The following TSHR variants were observed in gnomAD, a reference collection of about 807,000 sequenced individuals.
TSHR encodes thyroid stimulating hormone receptor.
Under a neutral mutation model 64.1 loss-of-function variants are expected in TSHR, and 51 were observed. That is an observed-to-expected ratio of 0.80 (90% CI 0.64 to 1.01). TSHR has a LOEUF of 1.01. Among genes scored for constraint, TSHR ranks in the 50% least tolerant of loss-of-function variants. The pLI is 0.00. For synonymous variants in TSHR, 361 were observed against 361.9 expected (o/e 1.00, Z 0.03); for missense variants, 877 against 942.8 (o/e 0.93, Z 0.91).
chr14:80,998,019 G>C lies in TSHR; in HGVS notation c.170+42169G>C, dbSNP rs994885699. On this transcript the variant is annotated intron_variant, in intron 1 of 9. Coordinates refer to ENST00000298171, the MANE Select transcript of TSHR (RefSeq NM_000369.5). ...GGAAGCATTCTCATTGTACAACAGT[G>C]AGAGCTGGAATGCCATTACATCATT... Among the ~76,000 whole-genome samples, 15 of 152,320 alleles carry C rather than the reference G, an allele frequency of 9.8e-5. 2 individuals carry two copies. Among genetic ancestry groups the C allele is most frequent in the Admixed American group, 7.2e-4 (11 of 15,294 alleles).
At position 81,054,989 on chromosome 14, in the gene TSHR, T is replaced by A. The variant is rs115104769; in HGVS notation, c.171-7159T>A. ...CAATGGGAAAAATGTCTCCAGGGCATGTCAGACAACTTTGTGGCAGCCCCT... is the reference window on the plus strand; with the variant it reads ...CAATGGGAAAAATGTCTCCAGGGCAAGTCAGACAACTTTGTGGCAGCCCCT... On this transcript the variant is annotated intron_variant, in intron 1 of 9. Coordinates refer to ENST00000298171, the MANE Select transcript of TSHR (RefSeq NM_000369.5). 6.8e-3 allele frequency among the ~76,000 whole-genome samples: 1,033 copies of A among 152,246 alleles called. 7 individuals carry two copies. Among genetic ancestry groups the A allele is most frequent in the African/African-American group, 0.023 (963 of 41,548 alleles).
chr14:81,112,787 A>C lies in TSHR; in HGVS notation c.692+4335A>C, dbSNP rs536476324. Among the ~76,000 whole-genome samples the C allele has an allele frequency of 3.3e-5, 5 of 152,350 alleles. No homozygotes were observed. In the South Asian group the frequency reaches 8.3e-4, roughly 25 times the overall value. On this transcript the variant is annotated intron_variant, in intron 8 of 9. Coordinates refer to ENST00000298171, the MANE Select transcript of TSHR (RefSeq NM_000369.5). ...GAAACAAAGGGACAAGCCTGGGGAC[A>C]ATCTGAAGAAAGAGCATTTTAGACA...
intron 1 of TSHR, among the ~76,000 whole-genome samples, chr14:80,977,087 C>T (rs1192399766): frequency 6.6e-6 from 1 of 152,178 alleles, no homozygotes; most frequent in African/African-American, 2.4e-5. Flanking sequence ...ACCAGAGGAT[C>T]CCATGGTCAC....
chr14:81,062,247 T>C (rs754075252), intron 2 of TSHR, 28 bp downstream of exon 2: 1 of 1,561,198 alleles, frequency 6.4e-7, no homozygotes, highest in Non-Finnish European at 8.8e-7. Flanking sequence ...AAAGAAAAGT[T>C]TGCATTTGTG....
intron 2 of TSHR, among the ~76,000 whole-genome samples, chr14:81,066,079 C>T (rs547865130): frequency 2.4e-4 from 37 of 152,234 alleles, no homozygotes; most frequent in Non-Finnish European, 3.1e-4. Flanking sequence ...CCTGAATAAA[C>T]GATTCCTGCC....
chr14:81,078,245 C>T (rs1887640374), intron 3 of TSHR, among the ~76,000 whole-genome samples: 1 of 152,112 alleles, frequency 6.6e-6, no homozygotes, highest in Non-Finnish European at 1.5e-5. Context: ...GTTTTATTTA[C>T]TGAAAATATA....
intron 1 of TSHR, among the ~76,000 whole-genome samples, chr14:81,005,811 A>G (rs1295648178): frequency 6.6e-6 from 1 of 152,220 alleles, no homozygotes; most frequent in Non-Finnish European, 1.5e-5. Flanking sequence ...AAAAGTTCTA[A>G]ATAATTTGAC....
chr14:81,064,111 C>A (rs1470618838), intron 2 of TSHR, among the ~76,000 whole-genome samples: 3 of 151,948 alleles, frequency 2.0e-5, no homozygotes, highest in African/African-American at 7.3e-5. Flanking sequence ...GAGAAATGGT[C>A]AGATTTTCAT....
chr14:81,099,788 C>T (rs1368878826), intron 7 of TSHR, among the ~76,000 whole-genome samples: 1 of 152,132 alleles, frequency 6.6e-6, no homozygotes, highest in Non-Finnish European at 1.5e-5. Context: ...GACTATTTTC[C>T]CTCAAAACAT....
intron 8 of TSHR, among the ~76,000 whole-genome samples, chr14:81,138,431 C>T (rs376641276): frequency 3.8e-4 from 58 of 152,144 alleles, no homozygotes; most frequent in African/African-American, 1.3e-3. Flanking sequence ...CCTCGTGATC[C>T]GCCCGCCTCA....
At chr14:81,061,990 T>G (rs1005103834) in intron 1 of TSHR, among the ~76,000 whole-genome samples, 158 bp from the exon 2 acceptor site, 2 of 152,198 alleles carry the variant, frequency 1.3e-5, no homozygotes, top group African/African-American at 4.8e-5. Context: ...CATATGGTTC[T>G]TTGGTATGTT....
At chr14:81,092,669 T>A (rs1888845274) in intron 6 of TSHR, 61 bp downstream of exon 6, 2 of 1,505,438 alleles carry the variant, frequency 1.3e-6, no homozygotes, top group Non-Finnish European at 1.8e-6. Context: ...CATTTTCATA[T>A]GTTTACAGAC....
At chr14:81,038,031 C>T (rs13353103) in intron 1 of TSHR, among the ~76,000 whole-genome samples, 37,112 of 151,772 alleles carry the variant, frequency 0.24, 4,647 homozygotes, top group South Asian at 0.33. Flanking sequence ...ACAGAATACA[C>T]ATTTTTCTCA....
chr14:81,090,797 T>C (rs1888669703), intron 4 of TSHR, among the ~76,000 whole-genome samples: 1 of 152,146 alleles, frequency 6.6e-6, no homozygotes, highest in Non-Finnish European at 1.5e-5. Flanking sequence ...GTAAACCCAC[T>C]TGGTTAAAAC....
At chr14:81,053,928 G>A (rs1885588990) in intron 1 of TSHR, 2 of 152,154 alleles carry the variant, frequency 1.3e-5, no homozygotes, top group East Asian at 3.8e-4. Flanking sequence ...AAAGAAGCAA[G>A]GCAGAAAAGT....
At chr14:81,139,194 G>A (rs1891578383) in intron 8 of TSHR, among the ~76,000 whole-genome samples, 1 of 152,114 alleles carries the variant, frequency 6.6e-6, no homozygotes, top group East Asian at 1.9e-4. Flanking sequence ...ATGACTCTGA[G>A]GTCTGCATCA....
chr14:81,135,447 G>T (rs979402135), intron 8 of TSHR, among the ~76,000 whole-genome samples: 2 of 152,170 alleles, frequency 1.3e-5, no homozygotes, highest in African/African-American at 4.8e-5. Flanking sequence ...CAGAATAGTG[G>T]AAGATTTCTG....
At chr14:81,078,453 C>T (rs968987403) in intron 3 of TSHR, among the ~76,000 whole-genome samples, 2 of 151,968 alleles carry the variant, frequency 1.3e-5, no homozygotes, top group African/African-American at 4.8e-5. Flanking sequence ...TTTTCTATAT[C>T]TTTGCTTTTC....
At chr14:81,077,469 C>G (rs1191453353) in intron 3 of TSHR, among the ~76,000 whole-genome samples, 3 of 152,194 alleles carry the variant, frequency 2.0e-5, no homozygotes, top group Non-Finnish European at 4.4e-5. Flanking sequence ...ATCCCAAGCA[C>G]TACACTAATT....
Sources: gnomAD v4.1 joint callset for allele counts (sites outside exome capture counted in the v4.1 genomes callset) on GRCh38, gnomAD v4.1.1 for gene constraint, MANE v1.5 for transcripts, NCBI Gene and HGNC (gene_info 2026-07-23, HGNC 2026-07-21) for gene names.